The following PLG variants were observed in gnomAD, a reference collection of about 807,000 sequenced individuals.
The protein encoded by PLG is plasminogen.
Under a neutral mutation model 104.4 loss-of-function variants are expected in PLG, and 41 were observed. That is an observed-to-expected ratio of 0.39 (90% CI 0.31 to 0.51). The LOEUF (loss-of-function observed/expected upper bound fraction) is 0.51, where lower values mean the gene tolerates loss of function less well. PLG is among the 20% of genes least tolerant of loss of function. The pLI is 0.76. For synonymous variants in PLG, 337 were observed against 357.1 expected (o/e 0.94, Z 0.63); for missense variants, 891 against 1,003.6 (o/e 0.89, Z 1.52).
intron 17 of PLG, among the ~76,000 whole-genome samples, chr6:160,748,742 T>C (rs995597142): frequency 6.6e-6 from 1 of 152,230 alleles, no homozygotes; most frequent in Non-Finnish European, 1.5e-5. Context: ...GCTCACATCA[T>C]GGCCCCAGAC....
chr6:160,750,529 A>T (rs541999764), intron 17 of PLG, among the ~76,000 whole-genome samples: 1 of 152,318 alleles, frequency 6.6e-6, no homozygotes, highest in Admixed American at 6.5e-5. Flanking sequence ...CCCTCACACA[A>T]CTACACAGTC....
rs1414183737 is a variant in PLG, at chr6:160,741,412, C to T, written c.2120C>T (p.Thr707Ile). 3 of 1,599,410 alleles carry T rather than the reference C, an allele frequency of 1.9e-6. No individual in the cohort carries two copies. In the African/African-American group the frequency reaches 4.0e-5, roughly 21 times the overall value. Reference sequence around the variant, plus strand: ...TGTTTCATCACTGGCTGGGGAGAAACCCAAGGTGAGATAAATTCCATTGCC... The same window carrying T: ...TGTTTCATCACTGGCTGGGGAGAAATCCAAGGTGAGATAAATTCCATTGCC... ...TECFITGWGE[T>I]QGTFGAGLLK... is the part of the protein sequence containing the mutation. Residue 707 changes from threonine (T) to isoleucine (I), a missense_variant, in exon 17 of 19, where the codon ACC (threonine) becomes ATC (isoleucine). This residue lies in a region of PLG where 854 missense variants were observed against 932.1 expected (regional missense o/e 0.92). Transcript: ENST00000308192. The surrounding 1 kb of genome is among the most constrained non-coding windows in gnomAD (Gnocchi z 4.7).
In PLG at chr6:160,714,892, G is replaced by A. The variant is rs374234922; in HGVS notation, c.646G>A (p.Ala216Thr). 63 of 1,613,608 alleles carry A rather than the reference G, an allele frequency of 3.9e-5. No homozygotes were observed. The highest frequency in any genetic ancestry group is 1.3e-4 in the African/African-American group (10 of 74,912). Residue 216 changes from alanine (A) to threonine (T), a missense_variant, in exon 6 of 19, where the codon GCT (alanine) becomes ACT (threonine). Transcript: ENST00000308192. ...CQAWDSQSPHAHGYIPSKFPN... is the reference protein window; with the variant it reads ...CQAWDSQSPHTHGYIPSKFPN... ...GGCCTGGGACTCTCAGAGCCCACAC[G>A]CTCATGGATACATTCCTTCCAAGTA...
At chr6:160,718,152 T>C in intron 7 of PLG, 142 bp from the exon 8 acceptor site, 1 of 720,812 alleles carries the variant, frequency 1.4e-6, no homozygotes, top group East Asian at 2.8e-5. Flanking sequence ...CTCGGGAGGC[T>C]GAGGCAGGAG....
At chr6:160,721,134 A>G (rs2115165991) in intron 9 of PLG, among the ~76,000 whole-genome samples, 1 of 152,306 alleles carries the variant, frequency 6.6e-6, no homozygotes, top group East Asian at 1.9e-4. Flanking sequence ...CCGTTACAAC[A>G]AGATCCTTTA....
Position 160,716,958 on chromosome 6 carries a change from G to A in PLG, c.787+195G>A, listed in dbSNP as rs783147. Among the ~76,000 whole-genome samples, 59,790 of 152,088 alleles carry A rather than the reference G, an allele frequency of 0.39. 12,742 individuals carry two copies. Among genetic ancestry groups the A allele is most frequent in the Admixed American group, 0.53 (8,100 of 15,292 alleles). On this transcript the variant is annotated intron_variant, in intron 7 of 18. Transcript: ENST00000308192. Reference sequence around the variant, plus strand: ...GTTACTGTGGGTGATTGATCAGAGCGTCCATTTATCATGTTTTTCTTTCTT... The same window carrying A: ...GTTACTGTGGGTGATTGATCAGAGCATCCATTTATCATGTTTTTCTTTCTT...
chr6:160,748,687 A>T (rs940494689), intron 17 of PLG, among the ~76,000 whole-genome samples: 1 of 152,184 alleles, frequency 6.6e-6, no homozygotes, highest in African/African-American at 2.4e-5. Flanking sequence ...CTTAAGTTGG[A>T]TTAAGCAAAA....
At chr6:160,728,579 T>G (rs1380759585) in intron 10 of PLG, among the ~76,000 whole-genome samples, 3 of 152,096 alleles carry the variant, frequency 2.0e-5, no homozygotes, top group Admixed American at 2.0e-4. Flanking sequence ...AAATGGATGG[T>G]CCAGAAACAG....
chr6:160,747,767 G>A lies in PLG; in HGVS notation c.2126-4348G>A, dbSNP rs912774913. 6.6e-5 allele frequency among the ~76,000 whole-genome samples: 10 copies of A among 152,184 alleles called. 1 individual carries two copies. The highest frequency in any genetic ancestry group is 6.5e-4 in the Admixed American group (10 of 15,300). The stretch of plus-strand genomic sequence containing the variant: ...TTGATCTCCCTTTCTGCACTGCTGG[G>A]TCTGGGAGCATTGAGGCCAAGTAAA... On this transcript the variant is annotated intron_variant, in intron 17 of 18. Transcript: ENST00000308192.
In PLG at chr6:160,741,005, T is replaced by A. The variant is rs1160530768; in HGVS notation, c.2019-306T>A. Among the ~76,000 whole-genome samples the A allele has an allele frequency of 6.6e-6, 1 of 152,202 alleles. No homozygotes were observed. The highest frequency in any genetic ancestry group is 2.4e-5 in the African/African-American group (1 of 41,442). On this transcript the variant is annotated intron_variant, in intron 16 of 18. Transcript: ENST00000308192. This position sits in a 1 kb window ranked among gnomAD's most constrained non-coding sequence, Gnocchi z 4.7. ...TAAAAGGACACACTCAGCATGAGATTCCAGTTGTGCACAGAATATACATGA... is the reference window on the plus strand; with the variant it reads ...TAAAAGGACACACTCAGCATGAGATACCAGTTGTGCACAGAATATACATGA...
intron 4 of PLG, chr6:160,712,358 C>A (rs1317133614): frequency 1.3e-5 from 2 of 156,368 alleles, no homozygotes; most frequent in Non-Finnish European, 2.8e-5. Flanking sequence ...TTAAATCCCT[C>A]CTCCATCCCC....
intron 7 of PLG, among the ~76,000 whole-genome samples, chr6:160,718,017 C>T (rs1161264984): frequency 2.0e-5 from 3 of 152,102 alleles, no homozygotes; most frequent in South Asian, 2.1e-4. Context: ...TTCCGGAGGC[C>T]GAGGTGGGCG....
rs771679848 is a variant in PLG at position 160,719,316 on chromosome 6, T to C, written c.1096+478T>C. Among the ~76,000 whole-genome samples the C allele has an allele frequency of 1.2e-4, 18 of 152,224 alleles. No individual in the cohort carries two copies. Among genetic ancestry groups the C allele is most frequent in the Admixed American group, 3.3e-4 (5 of 15,286 alleles). ...ATGTCTTCTAGATGAAAGGACCCCT[T>C]TATCTTTATGTAATGTTTCTTCTTA... is the stretch of plus-strand genomic sequence containing the variant. On this transcript the variant is annotated intron_variant, in intron 9 of 18. Transcript: ENST00000308192. The surrounding 1 kb of genome is among the most constrained non-coding windows in gnomAD (Gnocchi z 4.1).
At chr6:160,705,207 C>A (rs1777496108) in intron 1 of PLG, among the ~76,000 whole-genome samples, 1 of 152,194 alleles carries the variant, frequency 6.6e-6, no homozygotes, top group Non-Finnish European at 1.5e-5. Flanking sequence ...CATTCTGTGC[C>A]AAGGACGGAG....
In PLG at chr6:160,718,386, C is replaced by T; in HGVS notation, c.880C>T (p.His294Tyr). ...GAATGTGGCTGTTACCGTGTCCGGG[C>T]ACACCTGTCAGCACTGGAGTGCACA... The part of the protein sequence containing the change: ...RGNVAVTVSG[H>Y]TCQHWSAQTP... The change falls in exon 8 of 19, where the codon CAC becomes TAC. Residue 294 changes from histidine to tyrosine, a missense_variant. Physicochemically the swap from His to Tyr is moderately conservative, Grantham distance 83. Transcript: ENST00000308192. 2 of 1,613,618 alleles carry T rather than the reference C, an allele frequency of 1.2e-6. No homozygotes were observed. The highest frequency in any genetic ancestry group is 1.7e-6 in the Non-Finnish European group (2 of 1,179,470).
chr6:160,734,693 G>A lies in PLG; in HGVS notation c.1681+605G>A, dbSNP rs1022932368. On this transcript the variant is annotated intron_variant, in intron 13 of 18. Coordinates refer to ENST00000308192, the MANE Select transcript of PLG (RefSeq NM_000301.5). This position sits in a 1 kb window ranked among gnomAD's most constrained non-coding sequence, Gnocchi z 4.4. ...TATGAGGCTTGGATCAGGGGAAGGG[G>A]AGTTGACATTAGTTCTTAAAGAATT... Among the ~76,000 whole-genome samples the A allele has an allele frequency of 1.5e-4, 23 of 150,580 alleles. No homozygotes were observed. The highest frequency in any genetic ancestry group is 3.4e-3 in the Middle Eastern group (1 of 292).
chr6:160,722,567 C>G lies in PLG; in HGVS notation c.1256C>G (p.Ala419Gly), dbSNP rs1472238075. 6.2e-7 allele frequency: 1 copy of G among 1,612,934 alleles called. No individual in the cohort carries two copies. Among genetic ancestry groups the G allele is most frequent in the East Asian group, 2.2e-5 (1 of 44,874 alleles). The part of the protein sequence containing the change: ...HQKTPENYPN[A>G]GLTMNYCRNP... ...AAGACCCCAGAAAACTACCCAAATG[C>G]GTATGTCTTTGATTTTTACTGTAAG... is the stretch of plus-strand genomic sequence containing the variant. Residue 419 changes from alanine (A) to glycine (G), a missense_variant and splice_region_variant, in exon 10 of 19, where the codon GCT becomes GGT. By Grantham distance (60) the Ala-to-Gly change is moderately conservative. Around this residue, in one of 2 missense-constraint regions of PLG, gnomAD observed 854 missense variants for 932.1 expected, o/e 0.92. Transcript: ENST00000308192.
intron 6 of PLG, among the ~76,000 whole-genome samples, chr6:160,715,643 C>G (rs1323231769): frequency 6.6e-6 from 1 of 152,142 alleles, no homozygotes; most frequent in African/African-American, 2.4e-5. Context: ...GACTACAGGG[C>G]CATACCAGGG....
intron 9 of PLG, among the ~76,000 whole-genome samples, chr6:160,720,044 G>A (rs1331646948): frequency 3.3e-5 from 5 of 152,068 alleles, no homozygotes; most frequent in African/African-American, 4.8e-5. Context: ...TGTAGCACAG[G>A]TCTGCTACTG....
Sources: gnomAD v4.1 joint callset for allele counts (sites outside exome capture counted in the v4.1 genomes callset) on GRCh38, gnomAD v4.1.1 for gene constraint, gnomAD v4.1.1 regional missense constraint, Gnocchi (gnomAD v3.1) non-coding constraint, MANE v1.5 for transcripts, NCBI Gene and HGNC (gene_info 2026-07-23, HGNC 2026-07-21) for gene names.